The following CAMKMT variants were observed in gnomAD, a reference collection of about 807,000 sequenced individuals.
The protein encoded by CAMKMT is CaM KMT.
A neutral mutation model predicts 48.0 loss-of-function variants in CAMKMT; 53 were observed. That is an observed-to-expected ratio of 1.10 (90% CI 0.89 to 1.39). CAMKMT has a LOEUF of 1.39. Ranked by LOEUF, CAMKMT falls within the 40% of genes most tolerant of loss-of-function variation. The pLI, the probability that CAMKMT is intolerant of heterozygous loss-of-function variation, is 0.00. For missense variants in CAMKMT, 428 were observed against 402.7 expected (o/e 1.06, Z -0.54); for synonymous variants, 165 against 152.3 (o/e 1.08, Z -0.61).
chr2:44,636,109 C>A (rs1346753952), intron 3 of CAMKMT, among the ~76,000 whole-genome samples: 2 of 152,136 alleles, frequency 1.3e-5, no homozygotes, highest in African/African-American at 4.8e-5. Flanking sequence ...CCTAAATAAA[C>A]TTTGGCAAAT....
At chr2:44,492,932 C>T (rs1365806951) in intron 3 of CAMKMT, among the ~76,000 whole-genome samples, 1 of 147,314 alleles carries the variant, frequency 6.8e-6, no homozygotes, top group Non-Finnish European at 1.5e-5. Context: ...CTTGCCCTGT[C>T]GCCCAGGCTA....
At chr2:44,378,094 C>T (rs775066983) in intron 2 of CAMKMT, among the ~76,000 whole-genome samples, 1 of 152,100 alleles carries the variant, frequency 6.6e-6, no homozygotes, top group Non-Finnish European at 1.5e-5. Flanking sequence ...ATATTAACAA[C>T]AGAGGTGATT....
At chr2:44,769,805 G>A (rs191093574) in intron 10 of CAMKMT, among the ~76,000 whole-genome samples, 63 of 152,238 alleles carry the variant, frequency 4.1e-4, no homozygotes, top group African/African-American at 1.4e-3. Flanking sequence ...TATTCAAAAT[G>A]CCACATTACA....
At chr2:44,529,790 G>T (rs1447581579) in intron 3 of CAMKMT, among the ~76,000 whole-genome samples, 4 of 152,252 alleles carry the variant, frequency 2.6e-5, no homozygotes, top group African/African-American at 7.2e-5. Flanking sequence ...GTAACTAAAA[G>T]GTTTCATGTG....
At chr2:44,651,074 T>C (rs1340148501) in intron 3 of CAMKMT, among the ~76,000 whole-genome samples, 1 of 152,254 alleles carries the variant, frequency 6.6e-6, no homozygotes, top group African/African-American at 2.4e-5. Context: ...TAAATTACTC[T>C]ATTGCTGATG....
chr2:44,522,598 C>T (rs1671176635), intron 3 of CAMKMT, among the ~76,000 whole-genome samples: 2 of 152,144 alleles, frequency 1.3e-5, no homozygotes, highest in Non-Finnish European at 2.9e-5. Context: ...TTAAATCATT[C>T]TGGGGTCATT....
At chr2:44,665,124 G>A (rs1379204787) in intron 3 of CAMKMT, among the ~76,000 whole-genome samples, 2 of 152,176 alleles carry the variant, frequency 1.3e-5, no homozygotes, top group African/African-American at 4.8e-5. Context: ...AGGCTGGAGT[G>A]CAGTGGTGCG....
At chr2:44,637,351 A>G (rs1368192615) in intron 3 of CAMKMT, among the ~76,000 whole-genome samples, 2 of 152,240 alleles carry the variant, frequency 1.3e-5, no homozygotes, top group Non-Finnish European at 2.9e-5. Flanking sequence ...CCAGATTATC[A>G]TATTAAAGTT....
At chr2:44,476,921 C>T (rs1011037966) in intron 3 of CAMKMT, among the ~76,000 whole-genome samples, 31 of 152,008 alleles carry the variant, frequency 2.0e-4, no homozygotes, top group African/African-American at 7.2e-4. Flanking sequence ...GTGCTATATC[C>T]CAGCTATTAT....
chr2:44,504,996 G>T (rs1444552059), intron 3 of CAMKMT, among the ~76,000 whole-genome samples: 1 of 152,184 alleles, frequency 6.6e-6, no homozygotes, highest in Non-Finnish European at 1.5e-5. Flanking sequence ...GAGGTCATGT[G>T]GTGAGGGGTG....
chr2:44,371,756 C>T (rs1212849070), intron 1 of CAMKMT, among the ~76,000 whole-genome samples: 2 of 151,848 alleles, frequency 1.3e-5, no homozygotes, highest in Non-Finnish European at 2.9e-5. Context: ...TCATTATGAA[C>T]TTATAAAAAT....
intron 9 of CAMKMT, among the ~76,000 whole-genome samples, chr2:44,761,036 G>A (rs1199778302): frequency 6.6e-6 from 1 of 152,178 alleles, no homozygotes. Flanking sequence ...AGACAAGCAA[G>A]GGACGATCAC....
chr2:44,636,476 G>A (rs1431099519), intron 3 of CAMKMT, among the ~76,000 whole-genome samples: 4 of 152,152 alleles, frequency 2.6e-5, no homozygotes, highest in South Asian at 2.1e-4. Flanking sequence ...ACACTAAGGC[G>A]GTTACCAGTG....
At chr2:44,522,582 A>C (rs995475616) in intron 3 of CAMKMT, among the ~76,000 whole-genome samples, 3 of 152,298 alleles carry the variant, frequency 2.0e-5, no homozygotes, top group Middle Eastern at 3.4e-3. Context: ...TTTATAATGC[A>C]TTACCTTAAA....
intron 9 of CAMKMT, among the ~76,000 whole-genome samples, chr2:44,764,873 G>T (rs1573253665): frequency 6.6e-6 from 1 of 152,038 alleles, no homozygotes; most frequent in African/African-American, 2.4e-5. Flanking sequence ...TCAGTGCTGG[G>T]GCTTCTGATC....
chr2:44,643,170 AT>A (rs1673541280), intron 3 of CAMKMT, among the ~76,000 whole-genome samples: 1 of 151,980 alleles, frequency 6.6e-6, no homozygotes, highest in Admixed American at 6.5e-5. Flanking sequence ...AAGCTCTTCT[AT>A]TTTATTTGTA....
intron 3 of CAMKMT, among the ~76,000 whole-genome samples, chr2:44,610,811 G>A (rs1314904144): frequency 6.6e-6 from 1 of 152,078 alleles, no homozygotes; most frequent in Non-Finnish European, 1.5e-5. Context: ...ACATATTTCA[G>A]GGATTCATGG....
chr2:44,526,677 C>G, intron 3 of CAMKMT, among the ~76,000 whole-genome samples: 1 of 152,144 alleles, frequency 6.6e-6, no homozygotes, highest in East Asian at 1.9e-4. Context: ...GGGCCCTCAA[C>G]TGATTGGATG....
At chr2:44,521,152 A>G (rs1051781905) in intron 3 of CAMKMT, among the ~76,000 whole-genome samples, 1 of 152,198 alleles carries the variant, frequency 6.6e-6, no homozygotes. Context: ...GTAGGTGAAT[A>G]TGGCTTGTGG....
Sources: gnomAD v4.1 joint callset for allele counts (sites outside exome capture counted in the v4.1 genomes callset) on GRCh38, gnomAD v4.1.1 for gene constraint, MANE v1.5 for transcripts, NCBI Gene and HGNC (gene_info 2026-07-23, HGNC 2026-07-21) for gene names.